The following CEP164 variants were observed in gnomAD, a reference collection of about 807,000 sequenced individuals.
CEP164 encodes centrosomal protein of 164 kDa.
Under a neutral mutation model 182.7 loss-of-function variants are expected in CEP164, and 162 were observed. That is an observed-to-expected ratio of 0.89 (90% CI 0.78 to 1.01). The LOEUF is 1.01. CEP164 is among the 50% of genes least tolerant of loss of function. The pLI is 0.00. For synonymous variants in CEP164, 661 were observed against 690.0 expected, an observed-to-expected ratio of 0.96 and a Z score of 0.66; for missense variants, 1,735 against 1,790.4, an observed-to-expected ratio of 0.97 and a Z score of 0.56.
chr11:117,379,852 CTTTT>C (rs58534321), intron 11 of CEP164, among the ~76,000 whole-genome samples: 1 of 116,910 alleles, frequency 8.6e-6, no homozygotes, highest in Admixed American at 9.2e-5. Context: ...ATAGTTCTTC[CTTTT>C]TTTTTTTTTT....
chr11:117,376,527 A>G (rs761623676), intron 11 of CEP164, among the ~76,000 whole-genome samples: 2 of 152,236 alleles, frequency 1.3e-5, no homozygotes, highest in Non-Finnish European at 2.9e-5. Context: ...CTGCAAGTGT[A>G]AGGGAACATT....
chr11:117,352,323 A>C (rs972267202), intron 5 of CEP164, among the ~76,000 whole-genome samples: 1 of 152,020 alleles, frequency 6.6e-6, no homozygotes, highest in African/African-American at 2.4e-5. Flanking sequence ...GAGAGTGGGG[A>C]CTGAAAGCAG....
chr11:117,399,383 T>C (rs2045893198), intron 27 of CEP164, among the ~76,000 whole-genome samples: 2 of 152,354 alleles, frequency 1.3e-5, no homozygotes, highest in African/African-American at 2.4e-5. Context: ...CAGTCTATCA[T>C]TGATGGGCAT....
intron 27 of CEP164, among the ~76,000 whole-genome samples, chr11:117,402,077 T>C (rs566525476): frequency 1.3e-5 from 2 of 152,318 alleles, no homozygotes; most frequent in African/African-American, 4.8e-5. Flanking sequence ...GGTGTCGATT[T>C]TAGATCTTTC....
At chr11:117,357,073 G>A (rs2040391729) in intron 5 of CEP164, among the ~76,000 whole-genome samples, 1 of 152,156 alleles carries the variant, frequency 6.6e-6, no homozygotes, top group Admixed American at 6.5e-5. Context: ...AAATCAGACA[G>A]AACTAGAAAG....
chr11:117,407,817 G>C (rs572738951), intron 27 of CEP164, 108 bp from the exon 28 acceptor site: 43 of 685,016 alleles, frequency 6.3e-5, no homozygotes, highest in African/African-American at 5.8e-4. Context: ...AGATGAGAAA[G>C]CAGACTATAG....
intron 4 of CEP164, among the ~76,000 whole-genome samples, chr11:117,345,579 C>A (rs976017855): frequency 3.3e-5 from 5 of 152,188 alleles, no homozygotes; most frequent in Non-Finnish European, 7.3e-5. Flanking sequence ...TTGTTCATAC[C>A]ATTCACTGTG....
chr11:117,362,349 G>T, intron 6 of CEP164, 55 bp from the exon 7 acceptor site: 1 of 1,571,710 alleles, frequency 6.4e-7, no homozygotes, highest in Non-Finnish European at 8.7e-7. Flanking sequence ...CATTCTAAAG[G>T]TCATTCCAAA....
chr11:117,404,967 C>T (rs2046511751), intron 27 of CEP164, among the ~76,000 whole-genome samples: 2 of 152,140 alleles, frequency 1.3e-5, no homozygotes, highest in Non-Finnish European at 1.5e-5. Context: ...GGGAAAACCT[C>T]AGTAATGGCA....
At chr11:117,412,045 T>A (rs781275391) in intron 32 of CEP164, 27 bp from the exon 33 acceptor site, 1 of 1,613,446 alleles carries the variant, frequency 6.2e-7, no homozygotes, top group East Asian at 2.2e-5. Flanking sequence ...GCCCAGCGAC[T>A]GCAGTTTTCC....
At chr11:117,333,241 G>A (rs1007669098) in intron 1 of CEP164, among the ~76,000 whole-genome samples, 2 of 151,896 alleles carry the variant, frequency 1.3e-5, no homozygotes, top group African/African-American at 2.4e-5. Flanking sequence ...CAAACTCCTG[G>A]CTTCAAGTGA....
chr11:117,363,484 T>C lies in CEP164; in HGVS notation c.743T>C (p.Leu248Pro), dbSNP rs1295325977. The change falls in exon 8 of 33, where the codon CTG becomes CCG. Residue 248 changes from leucine (L) to proline (P), a missense_variant. Leu to Pro is a moderately conservative substitution (Grantham distance 98, BLOSUM62 -3). Coordinates refer to ENST00000278935, the MANE Select transcript of CEP164 (RefSeq NM_014956.5). ...LRNLHLDIGALGGDFEYEESL... is the reference protein window; with the variant it reads ...LRNLHLDIGAPGGDFEYEESL... ...AACCTACACCTGGACATTGGGGCAC[T>C]GGGGGGTGACTTTGAGTATGAGGTA... 6.2e-7 allele frequency: 1 copy of C among 1,613,952 alleles called. No homozygotes were observed. Among genetic ancestry groups the C allele is most frequent in the Non-Finnish European group, 8.5e-7 (1 of 1,179,852 alleles).
chr11:117,412,033 A>G (rs2047416345), intron 32 of CEP164, 39 bp from the exon 33 acceptor site: 1 of 1,612,696 alleles, frequency 6.2e-7, no homozygotes. Context: ...CTGCCTGGCT[A>G]TGCCCAGCGA....
In CEP164 at chr11:117,365,799, C is replaced by T. The variant is rs142852779; in HGVS notation, c.765+2293C>T. 5.1e-4 allele frequency among the ~76,000 whole-genome samples: 77 copies of T among 152,118 alleles called. No individual in the cohort carries two copies. The East Asian group carries it at 0.01, about 20-fold the overall frequency. ...TTCACCATGTTGGCCAGGCTGGTCT[C>T]GAACTCCTGACCTCAGGTGATCTGC... is the stretch of plus-strand genomic sequence containing the variant. On this transcript the variant is annotated intron_variant, in intron 8 of 32. Transcript: ENST00000278935.
At chr11:117,395,074 A>C (rs756486883) in intron 22 of CEP164, 49 bp from the exon 23 acceptor site, 8 of 1,613,342 alleles carry the variant, frequency 5.0e-6, no homozygotes, top group South Asian at 4.4e-5. Context: ...TCTGCCCCTC[A>C]GACCTGGGGT....
intron 1 of CEP164, among the ~76,000 whole-genome samples, chr11:117,335,036 G>C (rs1374816049): frequency 6.6e-6 from 1 of 152,120 alleles, no homozygotes; most frequent in Non-Finnish European, 1.5e-5. Flanking sequence ...CCTGCCCGTG[G>C]ATCCTTTCCT....
intron 3 of CEP164, among the ~76,000 whole-genome samples, chr11:117,343,184 T>C (rs1416087184): frequency 6.6e-6 from 1 of 152,194 alleles, no homozygotes; most frequent in Admixed American, 6.5e-5. Flanking sequence ...ACAAAAGTAT[T>C]AGGGTCCATA....
intron 1 of CEP164, among the ~76,000 whole-genome samples, chr11:117,333,945 G>A (rs966399126): frequency 6.6e-6 from 1 of 152,182 alleles, no homozygotes; most frequent in Non-Finnish European, 1.5e-5. Flanking sequence ...TCTGCTGAAG[G>A]ACTTTTGCAT....
intron 5 of CEP164, chr11:117,356,529 G>A: frequency 1.6e-6 from 2 of 1,289,386 alleles, no homozygotes; most frequent in African/African-American, 3.0e-5. Flanking sequence ...TTCCAGCCAA[G>A]CAGCAGCACC....
Sources: allele counts gnomAD v4.1 joint callset (sites outside exome capture counted in the v4.1 genomes callset), GRCh38; gene constraint gnomAD v4.1.1; transcripts MANE v1.5; gene names NCBI Gene and HGNC (gene_info 2026-07-23, HGNC 2026-07-21).